Variants in FHIT observed in about 807,000 individuals in gnomAD.
The protein encoded by FHIT is bis(5'-adenosyl)-triphosphatase.
Under a neutral mutation model 17.9 loss-of-function variants are expected in FHIT, and 19 were observed. The ratio of observed to expected loss-of-function variants is 1.06; its 90% confidence interval spans 0.74 to 1.56. The LOEUF is 1.56. FHIT is among the 40% of genes most tolerant of loss of function. The pLI is 0.00. For missense variants in FHIT, 248 were observed against 189.2 expected, an observed-to-expected ratio of 1.31 and a Z score of -1.82; for synonymous variants, 81 against 69.7, an observed-to-expected ratio of 1.16 and a Z score of -0.81.
chr3:60,935,797 G>A (rs1553772935), intron 3 of FHIT, among the ~76,000 whole-genome samples: 1 of 152,182 alleles, frequency 6.6e-6, no homozygotes, highest in Non-Finnish European at 1.5e-5. Flanking sequence ...ATAGAGAGGG[G>A]AGTCAAGCAA....
chr3:60,745,028 G>C (rs892047118), intron 4 of FHIT, among the ~76,000 whole-genome samples: 3 of 152,042 alleles, frequency 2.0e-5, no homozygotes, highest in Non-Finnish European at 4.4e-5. Context: ...CGGGAGGATA[G>C]CATGAGCCCA....
chr3:61,127,641 G>T (rs948196217), intron 2 of FHIT, among the ~76,000 whole-genome samples: 1 of 152,112 alleles, frequency 6.6e-6, no homozygotes, highest in Non-Finnish European at 1.5e-5. Context: ...GAGGTGGGTA[G>T]ATCACCTGAG....
At chr3:60,104,064 G>C (rs1008509542) in intron 5 of FHIT, among the ~76,000 whole-genome samples, 1 of 152,188 alleles carries the variant, frequency 6.6e-6, no homozygotes, top group South Asian at 2.1e-4. Flanking sequence ...AGGATTTTGA[G>C]AAGAGTGAGG....
intron 7 of FHIT, among the ~76,000 whole-genome samples, chr3:59,970,731 T>C (rs1420088170): frequency 6.6e-6 from 1 of 152,094 alleles, no homozygotes; most frequent in Non-Finnish European, 1.5e-5. Flanking sequence ...GTTATTGTTG[T>C]TCTCCGGGAC....
intron 2 of FHIT, among the ~76,000 whole-genome samples, chr3:61,155,002 C>T (rs1403585421): frequency 6.6e-6 from 1 of 152,250 alleles, no homozygotes; most frequent in East Asian, 1.9e-4. Context: ...AGGCAATACT[C>T]CCAGGCAATA....
At chr3:60,588,638 A>G (rs191025384) in intron 4 of FHIT, among the ~76,000 whole-genome samples, 100 of 152,042 alleles carry the variant, frequency 6.6e-4, no homozygotes, top group African/African-American at 2.3e-3. Flanking sequence ...TCCTCTCGTG[A>G]CTATAATTTT....
chr3:60,060,593 G>A (rs908277799), intron 5 of FHIT, among the ~76,000 whole-genome samples: 1 of 152,168 alleles, frequency 6.6e-6, no homozygotes, highest in African/African-American at 2.4e-5. Flanking sequence ...CTTTGAATAA[G>A]TTACATGAAA....
At chr3:61,112,511 T>A (rs988430067) in intron 2 of FHIT, among the ~76,000 whole-genome samples, 1 of 152,156 alleles carries the variant, frequency 6.6e-6, no homozygotes, top group East Asian at 1.9e-4. Flanking sequence ...TCAATGACAA[T>A]TGAAATGTCT....
intron 5 of FHIT, among the ~76,000 whole-genome samples, chr3:60,337,744 T>C (rs571556830): frequency 6.6e-6 from 1 of 152,294 alleles, no homozygotes; most frequent in African/African-American, 2.4e-5. Flanking sequence ...TAAAGGCTTC[T>C]GGGAAACCAC....
intron 5 of FHIT, among the ~76,000 whole-genome samples, chr3:60,484,406 C>G (rs2033748345): frequency 6.6e-6 from 1 of 152,168 alleles, no homozygotes; most frequent in Non-Finnish European, 1.5e-5. Context: ...ATCAGGCTAC[C>G]TGGCTTCAAA....
chr3:60,858,405 A>G (rs1174812629), intron 3 of FHIT, among the ~76,000 whole-genome samples: 1 of 152,202 alleles, frequency 6.6e-6, no homozygotes, highest in Admixed American at 6.5e-5. Flanking sequence ...AGCAGCATTC[A>G]GAACCATCAC....
At chr3:61,190,517 G>A (rs1410579095) in intron 2 of FHIT, among the ~76,000 whole-genome samples, 1 of 152,206 alleles carries the variant, frequency 6.6e-6, no homozygotes. Flanking sequence ...GTGGAAGTCA[G>A]TGTGGTGATT....
intron 2 of FHIT, among the ~76,000 whole-genome samples, chr3:61,076,632 C>G (rs1184872830): frequency 6.6e-6 from 1 of 152,172 alleles, no homozygotes; most frequent in Non-Finnish European, 1.5e-5. Flanking sequence ...TAATATGTCT[C>G]TAGCACAGAA....
At chr3:61,172,986 A>G (rs143742638) in intron 2 of FHIT, among the ~76,000 whole-genome samples, 504 of 152,324 alleles carry the variant, frequency 3.3e-3, no homozygotes, top group Middle Eastern at 0.01. Flanking sequence ...TCCACCTGCA[A>G]TGAAACAGGG....
At chr3:60,813,675 T>A (rs1701642648) in intron 4 of FHIT, among the ~76,000 whole-genome samples, 2 of 152,212 alleles carry the variant, frequency 1.3e-5, no homozygotes, top group South Asian at 4.1e-4. Flanking sequence ...ATTGTTAGCT[T>A]AAAGTGATGA....
At chr3:60,873,657 C>T (rs1053360624) in intron 3 of FHIT, among the ~76,000 whole-genome samples, 1 of 152,186 alleles carries the variant, frequency 6.6e-6, no homozygotes, top group African/African-American at 2.4e-5. Flanking sequence ...TTCACACTGA[C>T]TGACTCCACA....
chr3:60,111,732 G>A (rs1576123066), intron 5 of FHIT, among the ~76,000 whole-genome samples: 1 of 152,172 alleles, frequency 6.6e-6, no homozygotes, highest in African/African-American at 2.4e-5. Flanking sequence ...AGAAAAAAGT[G>A]GTCCCTATCT....
intron 4 of FHIT, among the ~76,000 whole-genome samples, chr3:60,752,275 T>C (rs2042482559): frequency 1.3e-5 from 2 of 152,182 alleles, no homozygotes; most frequent in Non-Finnish European, 2.9e-5. Flanking sequence ...AAAGCATACT[T>C]CAGGAAGAAC....
At chr3:59,932,562 G>A (rs1237525383) in intron 7 of FHIT, among the ~76,000 whole-genome samples, 5 of 152,112 alleles carry the variant, frequency 3.3e-5, no homozygotes, top group East Asian at 1.9e-4. Flanking sequence ...TTTATAAGAC[G>A]GTAATGTGGC....
Sources: allele counts gnomAD v4.1 joint callset (sites outside exome capture counted in the v4.1 genomes callset), GRCh38; gene constraint gnomAD v4.1.1; transcripts MANE v1.5; gene names NCBI Gene and HGNC (gene_info 2026-07-23, HGNC 2026-07-21).